NRXN1: variants seen among roughly 807,000 people sequenced by gnomAD.
NRXN1 encodes neurexin 1, also known as neurexin-1.
A neutral mutation model predicts 150.9 loss-of-function variants in NRXN1; 39 were observed. The ratio of observed to expected loss-of-function variants is 0.26; its 90% confidence interval spans 0.20 to 0.34. The LOEUF is 0.34. NRXN1 is among the 10% of genes least tolerant of loss of function. NRXN1 has a pLI of 1.00. For missense variants in NRXN1, 1,815 were observed against 1,949.9 expected, an observed-to-expected ratio of 0.93 and a Z score of 1.30; for synonymous variants, 924 against 757.0, an observed-to-expected ratio of 1.22 and a Z score of -3.62.
chr2:50,567,049 T>C (rs1669985193), intron 8 of NRXN1, among the ~76,000 whole-genome samples: 2 of 152,218 alleles, frequency 1.3e-5, no homozygotes, highest in South Asian at 2.1e-4. Context: ...CTTTCTCTCT[T>C]GATGTCAGGA....
chr2:50,941,854 G>T (rs1384717454), intron 2 of NRXN1, among the ~76,000 whole-genome samples: 3 of 152,116 alleles, frequency 2.0e-5, no homozygotes, highest in East Asian at 1.9e-4. Context: ...GCTAGCTGCA[G>T]AAATTTGCAT....
chr2:49,940,829 AC>A (rs370293011), intron 22 of NRXN1, among the ~76,000 whole-genome samples: 161 of 152,298 alleles, frequency 1.1e-3, no homozygotes, highest in African/African-American at 3.7e-3. Flanking sequence ...TATTATCAAG[AC>A]CGGGGGAGAT....
intron 5 of NRXN1, among the ~76,000 whole-genome samples, chr2:50,714,133 G>C (rs1695556297): frequency 6.6e-6 from 1 of 152,180 alleles, no homozygotes; most frequent in Admixed American, 6.5e-5. Flanking sequence ...ACTGACGTCT[G>C]TCTTCCACAT....
intron 2 of NRXN1, among the ~76,000 whole-genome samples, chr2:50,969,150 C>T (rs1204645533): frequency 2.0e-5 from 3 of 152,114 alleles, no homozygotes; most frequent in Admixed American, 6.6e-5. Flanking sequence ...CTCAGAGATA[C>T]CTTGCCGGAT....
chr2:50,286,541 T>A (rs760204711), intron 17 of NRXN1, among the ~76,000 whole-genome samples: 13 of 152,082 alleles, frequency 8.5e-5, no homozygotes, highest in Non-Finnish European at 1.8e-4. Context: ...CATTGACAGG[T>A]AGAAAATTTA....
chr2:50,088,786 C>T lies in NRXN1; in HGVS notation c.3718+2537G>A, dbSNP rs1021169260. ...TTTTCAAATAATTAATAAGTACTGCCTCAATCTCAGCTACCAGATTCAAAT... is the reference window on the plus strand; with the variant it reads ...TTTTCAAATAATTAATAAGTACTGCTTCAATCTCAGCTACCAGATTCAAAT... On this transcript the variant is annotated intron_variant, in intron 19 of 22. Transcript: ENST00000401669. Among the ~76,000 whole-genome samples the T allele has an allele frequency of 7.2e-5, 11 of 152,090 alleles. 1 individual carries two copies. In the South Asian group the frequency reaches 2.3e-3, roughly 31 times the overall value.
chr2:50,759,079 G>C (rs984292255), intron 5 of NRXN1, among the ~76,000 whole-genome samples: 1 of 151,810 alleles, frequency 6.6e-6, no homozygotes, highest in Non-Finnish European at 1.5e-5. Flanking sequence ...CATAAATATG[G>C]GAGCAACAGT....
intron 19 of NRXN1, among the ~76,000 whole-genome samples, chr2:50,079,181 A>G (rs2218980): frequency 0.34 from 51,845 of 151,560 alleles, 10,054 homozygotes; most frequent in African/African-American, 0.51. Context: ...TGACATATCT[A>G]TTAGTTTTGT....
At chr2:50,158,551 G>A (rs1371759944) in intron 18 of NRXN1, among the ~76,000 whole-genome samples, 2 of 151,972 alleles carry the variant, frequency 1.3e-5, no homozygotes, top group Middle Eastern at 3.4e-3. Flanking sequence ...CAAAGCAACT[G>A]GTTTTCTTTG....
chr2:50,048,630 T>G (rs1692208065), intron 21 of NRXN1, among the ~76,000 whole-genome samples: 1 of 152,176 alleles, frequency 6.6e-6, no homozygotes, highest in Non-Finnish European at 1.5e-5. Flanking sequence ...CAAACATTCT[T>G]TTCTTGCATA....
chr2:50,650,562 C>T (rs1685466261), intron 5 of NRXN1, among the ~76,000 whole-genome samples: 2 of 151,948 alleles, frequency 1.3e-5, no homozygotes, highest in South Asian at 4.1e-4. Context: ...TTTTTTATTC[C>T]AGAGGTCAGA....
At chr2:50,167,471 T>C (rs1407846415) in intron 18 of NRXN1, among the ~76,000 whole-genome samples, 2 of 151,782 alleles carry the variant, frequency 1.3e-5, no homozygotes, top group Admixed American at 1.3e-4. Context: ...GCTACCATAC[T>C]GGCATCTGGT....
intron 2 of NRXN1, among the ~76,000 whole-genome samples, chr2:51,000,285 T>C (rs1699864853): frequency 1.3e-5 from 2 of 152,030 alleles, no homozygotes; most frequent in African/African-American, 2.4e-5. Flanking sequence ...TATGTCCTTA[T>C]CCTGCTTAAA....
In NRXN1 at chr2:49,922,055, G is replaced by A. The variant is rs781380933; in HGVS notation, c.4413C>T (p.Tyr1471=). 1.9e-6 allele frequency: 3 copies of A among 1,614,114 alleles called. No individual in the cohort carries two copies. The highest frequency in any genetic ancestry group is 1.3e-5 in the African/African-American group (1 of 75,030). Residue 1471 remains tyrosine (Y), a synonymous_variant, in exon 23 of 23, where the codon TAC becomes TAT. Transcript: ENST00000401669. ...CATTGGACTGTGCTGAGTTACTGAT[G>A]TAGTTTCGACTCTCGTCCACATGGT... The part of the protein sequence containing the change: ...GSYHVDESRN[Y]ISNSAQSNGA...
At chr2:50,580,996 A>C (rs779091884) in intron 8 of NRXN1, among the ~76,000 whole-genome samples, 1 of 152,180 alleles carries the variant, frequency 6.6e-6, no homozygotes, top group African/African-American at 2.4e-5. Context: ...AATTCCTTTA[A>C]AAGTATTAAA....
intron 5 of NRXN1, among the ~76,000 whole-genome samples, chr2:50,842,901 G>C (rs973283375): frequency 2.0e-5 from 3 of 152,114 alleles, no homozygotes; most frequent in African/African-American, 7.2e-5. Context: ...CTAGTCTTAA[G>C]ATTACAGAAT....
chr2:49,984,748 C>T (rs1573223464), intron 21 of NRXN1, among the ~76,000 whole-genome samples: 1 of 151,462 alleles, frequency 6.6e-6, no homozygotes, highest in East Asian at 1.9e-4. Flanking sequence ...CACACACACA[C>T]GATAGTATAT....
At chr2:50,131,013 T>G (rs1196504408) in intron 18 of NRXN1, among the ~76,000 whole-genome samples, 1 of 152,216 alleles carries the variant, frequency 6.6e-6, no homozygotes, top group Non-Finnish European at 1.5e-5. Flanking sequence ...TGGTACCATA[T>G]TAAGAAAAGC....
intron 18 of NRXN1, among the ~76,000 whole-genome samples, chr2:50,176,423 C>A (rs1359995264): frequency 6.6e-6 from 1 of 152,020 alleles, no homozygotes; most frequent in Non-Finnish European, 1.5e-5. Flanking sequence ...GAGCAGGGGC[C>A]TTTCCTGTGA....
Sources: gnomAD v4.1 joint callset for allele counts (sites outside exome capture counted in the v4.1 genomes callset) on GRCh38, gnomAD v4.1.1 for gene constraint, MANE v1.5 for transcripts, NCBI Gene and HGNC (gene_info 2026-07-23, HGNC 2026-07-21) for gene names.